COL24A1: variants seen among roughly 807,000 people sequenced by gnomAD.
The protein encoded by COL24A1 is collagen type XXIV alpha 1 chain.
A neutral mutation model predicts 253.9 loss-of-function variants in COL24A1; 224 were observed. The ratio of observed to expected loss-of-function variants is 0.88; its 90% CI spans 0.79 to 0.99. The LOEUF is 0.99. Ranked by LOEUF, COL24A1 falls within the 50% of genes least tolerant of loss-of-function variation. COL24A1 has a pLI of 0.00. For synonymous variants in COL24A1, 685 were observed against 673.7 expected, an observed-to-expected ratio of 1.02 and a Z score of -0.26; for missense variants, 2,131 against 2,068.5, an observed-to-expected ratio of 1.03 and a Z score of -0.59.
chr1:85,970,005 AC>A (rs1691983280), intron 22 of COL24A1, among the ~76,000 whole-genome samples: 1 of 152,178 alleles, frequency 6.6e-6, no homozygotes, highest in South Asian at 2.1e-4. Flanking sequence ...AAGTCTACAG[AC>A]CACTGAAATA....
intron 37 of COL24A1, among the ~76,000 whole-genome samples, chr1:85,861,073 C>T (rs764526725): frequency 4.6e-5 from 7 of 152,112 alleles, no homozygotes; most frequent in Non-Finnish European, 7.4e-5. Context: ...TTTGCAGAAC[C>T]GCCAAACTGG....
At chr1:86,131,582 A>G (rs1649208541) in intron 2 of COL24A1, among the ~76,000 whole-genome samples, 1 of 144,184 alleles carries the variant, frequency 6.9e-6, no homozygotes, top group Admixed American at 7.3e-5. Context: ...TCATTGTTCA[A>G]TTCCCACCTA....
chr1:85,909,870 C>T, intron 26 of COL24A1, 80 bp downstream of exon 26: 1 of 1,141,030 alleles, frequency 8.8e-7, no homozygotes, highest in Non-Finnish European at 1.3e-6. Context: ...TAAATTCCAG[C>T]CCAGGCAATT....
At chr1:85,890,906 C>T (rs1683055710) in intron 31 of COL24A1, among the ~76,000 whole-genome samples, 1 of 152,118 alleles carries the variant, frequency 6.6e-6, no homozygotes, top group South Asian at 2.1e-4. Flanking sequence ...AAAAGAGCAT[C>T]TCAGATATGA....
chr1:86,041,904 G>C (rs1253937759), intron 12 of COL24A1, among the ~76,000 whole-genome samples: 2 of 152,138 alleles, frequency 1.3e-5, no homozygotes, highest in African/African-American at 4.8e-5. Context: ...CACAGATAGA[G>C]AGCAAAAGGA....
intron 19 of COL24A1, among the ~76,000 whole-genome samples, chr1:85,997,080 T>TATATATATATATATATAC (rs1694889362): frequency 1.5e-5 from 2 of 131,024 alleles, no homozygotes; most frequent in African/African-American, 5.6e-5. Flanking sequence ...TATATATATA[T>TATATATATATATATATAC]ACCAGTTAGT....
At chr1:86,012,751 G>A (rs1696625166) in intron 19 of COL24A1, among the ~76,000 whole-genome samples, 1 of 152,118 alleles carries the variant, frequency 6.6e-6, no homozygotes, top group African/African-American at 2.4e-5. Flanking sequence ...GCTTCCTGCT[G>A]CACTTAGAAC....
intron 47 of COL24A1, among the ~76,000 whole-genome samples, chr1:85,816,553 T>C (rs1435147699): frequency 6.6e-6 from 1 of 152,194 alleles, no homozygotes; most frequent in African/African-American, 2.4e-5. Context: ...TTTATATTTT[T>C]AAAATGGCAT....
chr1:85,948,968 G>GT (rs1689624713), intron 24 of COL24A1, among the ~76,000 whole-genome samples: 1 of 151,982 alleles, frequency 6.6e-6, no homozygotes, highest in East Asian at 1.9e-4. Context: ...TCTTTTTGAG[G>GT]TTTTCTGAAA....
intron 53 of COL24A1, among the ~76,000 whole-genome samples, chr1:85,765,054 T>G (rs987551089): frequency 6.6e-6 from 1 of 152,226 alleles, no homozygotes; most frequent in African/African-American, 2.4e-5. Flanking sequence ...ATTTATACTA[T>G]TTATGAATTT....
chr1:86,109,338 A>G (rs1436269812), intron 5 of COL24A1, among the ~76,000 whole-genome samples: 2 of 148,864 alleles, frequency 1.3e-5, no homozygotes, highest in Non-Finnish European at 1.5e-5. Flanking sequence ...TTGGAAATTT[A>G]GATTTGAATT....
At chr1:85,841,412 T>G in intron 41 of COL24A1, 134 bp from the exon 42 acceptor site, 1 of 588,706 alleles carries the variant, frequency 1.7e-6, no homozygotes, top group Non-Finnish European at 2.9e-6. Context: ...AACTTTGATG[T>G]AAGAAACTAA....
chr1:86,112,226 T>C (rs1249932011), intron 5 of COL24A1, among the ~76,000 whole-genome samples: 2 of 152,188 alleles, frequency 1.3e-5, no homozygotes, highest in Non-Finnish European at 2.9e-5. Flanking sequence ...TATTTACAAA[T>C]TAAAACGACC....
intron 53 of COL24A1, among the ~76,000 whole-genome samples, chr1:85,771,089 A>G (rs1667905681): frequency 6.6e-6 from 1 of 152,164 alleles, no homozygotes; most frequent in Admixed American, 6.6e-5. Flanking sequence ...ACTGCAATCT[A>G]CCACATAGGG....
In COL24A1 at chr1:85,784,120, C is replaced by T. The variant is rs760095843; in HGVS notation, c.4214G>A (p.Gly1405Asp). ...QGLTGFQGFPGPKGPEGDAGI... is the reference protein window; with the variant it reads ...QGLTGFQGFPDPKGPEGDAGI... ...GAAAGTATGTAAACATACTTTAGGG[C>T]CTGGGAATCCTTGGAAACCTGTCAA... Residue 1405 changes from glycine (G) to aspartate (D), a missense_variant, in exon 50 of 60, where the codon GGC becomes GAC. By Grantham distance (94) the Gly-to-Asp change is moderately conservative. Transcript: ENST00000370571. 6.8e-6 allele frequency: 11 copies of T among 1,612,356 alleles called. No homozygotes were observed. In the South Asian group the frequency reaches 9.9e-5, roughly 15 times the overall value.
intron 47 of COL24A1, among the ~76,000 whole-genome samples, chr1:85,815,333 G>A (rs1231772494): frequency 1.3e-5 from 2 of 152,174 alleles, no homozygotes; most frequent in African/African-American, 4.8e-5. Context: ...CCCAGTGCAT[G>A]AGCTCCCTTT....
In COL24A1 at chr1:85,823,728, C is replaced by T; in HGVS notation, c.3692G>A (p.Gly1231Asp). The change falls in exon 44 of 60, where the codon GGT becomes GAT. Residue 1231 changes from glycine to aspartate, a missense_variant. Transcript: ENST00000370571. The stretch of plus-strand genomic sequence containing the variant: ...AGTGGCACCTCTTAGTCCTGGTACA[C>T]CCACATGGCCCTAGAAATAGAAAAG... ...PGAEGYKGHVGVPGLRGATGQ... is the reference protein window; with the variant it reads ...PGAEGYKGHVDVPGLRGATGQ... 3 of 1,613,512 alleles carry T rather than the reference C, an allele frequency of 1.9e-6. No individual in the cohort carries two copies. Among genetic ancestry groups the T allele is most frequent in the South Asian group, 1.1e-5 (1 of 91,024 alleles).
At chr1:85,973,591 T>C (rs962047854) in intron 20 of COL24A1, among the ~76,000 whole-genome samples, 2 of 152,096 alleles carry the variant, frequency 1.3e-5, no homozygotes, top group African/African-American at 2.4e-5. Flanking sequence ...TCTAAGAACA[T>C]ACAATATTAA....
intron 19 of COL24A1, among the ~76,000 whole-genome samples, chr1:85,988,075 A>G (rs1256478853): frequency 1.3e-5 from 2 of 148,238 alleles, no homozygotes; most frequent in African/African-American, 5.0e-5. Context: ...TTTGTTAGGC[A>G]GAGATGCAAA....
Sources: allele counts gnomAD v4.1 joint callset (sites outside exome capture counted in the v4.1 genomes callset), GRCh38; gene constraint gnomAD v4.1.1; transcripts MANE v1.5; gene names NCBI Gene and HGNC (gene_info 2026-07-23, HGNC 2026-07-21).